The following PPFIA1 variants were observed in gnomAD, a reference collection of about 807,000 sequenced individuals.
The protein encoded by PPFIA1 is liprin-alpha-1.
Under a neutral mutation model 149.9 loss-of-function variants are expected in PPFIA1, and 25 were observed. The ratio of observed to expected loss-of-function variants is 0.17; its 90% CI spans 0.12 to 0.23. PPFIA1 has a LOEUF of 0.23. PPFIA1 is among the 10% of genes least tolerant of loss of function. PPFIA1 has a pLI of 1.00. For missense variants in PPFIA1, 1,362 were observed against 1,506.5 expected (o/e 0.90, Z 1.59); for synonymous variants, 549 against 552.8 (o/e 0.99, Z 0.10).
Position 70,332,987 on chromosome 11 carries a change from CCT to C in PPFIA1, c.1213-482_1213-481del, listed in dbSNP as rs143349045. 4.3e-3 allele frequency: 1,931 copies of C among 453,766 alleles called. 31 individuals are homozygous for C. Among genetic ancestry groups the C allele is most frequent in the African/African-American group, 0.035 (1,764 of 50,158 alleles). The allele number at this position is 453,766 out of a possible 1,614,324, so 28.1% of individuals were successfully genotyped here. ...TTTAAAGTCTCGATTTCTTTTCTCC[CCT>C]GTTATCTTTCCTGTCCCTTGTCGGC... On this transcript the variant is annotated intron_variant, in intron 9 of 27. Coordinates refer to ENST00000253925, the MANE Select transcript of PPFIA1 (RefSeq NM_003626.5).
At chr11:70,356,296 A>G (rs1288288624) in intron 19 of PPFIA1, 42 bp downstream of exon 19, 1 of 1,471,594 alleles carries the variant, frequency 6.8e-7, no homozygotes. Context: ...AATGGTTTTC[A>G]GTTGTGCCTA....
At chr11:70,336,839 T>G (rs889569685) in intron 11 of PPFIA1, among the ~76,000 whole-genome samples, 1 of 152,146 alleles carries the variant, frequency 6.6e-6, no homozygotes, top group Non-Finnish European at 1.5e-5. Flanking sequence ...AGATTGGTTG[T>G]TAGGATTGGG....
chr11:70,356,796 G>A (rs751753494), intron 19 of PPFIA1, among the ~76,000 whole-genome samples: 14 of 152,170 alleles, frequency 9.2e-5, no homozygotes, highest in Non-Finnish European at 1.5e-4. Flanking sequence ...CGAAACAGTC[G>A]CCATGCTGCA....
intron 15 of PPFIA1, among the ~76,000 whole-genome samples, chr11:70,344,109 T>G (rs1230832378): frequency 6.6e-6 from 1 of 152,248 alleles, no homozygotes; most frequent in Admixed American, 6.5e-5. Context: ...GTTACGGCAC[T>G]AGTACCTTTC....
At chr11:70,381,957 A>G in intron 26 of PPFIA1, 131 bp from the exon 27 acceptor site, 1 of 710,302 alleles carries the variant, frequency 1.4e-6, no homozygotes, top group South Asian at 1.8e-5. Flanking sequence ...CCACTCAGGC[A>G]GCTCCCCTCA....
At chr11:70,363,727 T>C (rs1296219485) in intron 21 of PPFIA1, among the ~76,000 whole-genome samples, 1 of 152,154 alleles carries the variant, frequency 6.6e-6, no homozygotes, top group Non-Finnish European at 1.5e-5. Flanking sequence ...TTGACCAGGC[T>C]GGTCTGGAAC....
At position 70,372,165 on chromosome 11, in the gene PPFIA1, T is replaced by A. The variant is rs747674416; in HGVS notation, c.2866-50T>A. ...AATTCATTTTAAAAATGATATAAAC[T>A]ACTTTTGAGACTTCCTCTGTAACTG... On this transcript the variant is annotated intron_variant, in intron 21 of 27. Coordinates refer to ENST00000253925, the MANE Select transcript of PPFIA1 (RefSeq NM_003626.5). 4.0e-6 allele frequency: 6 copies of A among 1,509,968 alleles called. No homozygotes were observed. The African/African-American group carries it at 5.6e-5, about 14-fold the overall frequency. The allele number at this position is 1,509,968 out of a possible 1,614,324, so 93.5% of individuals were successfully genotyped here.
intron 2 of PPFIA1, among the ~76,000 whole-genome samples, chr11:70,308,148 A>G (rs1464468154): frequency 6.6e-6 from 1 of 152,250 alleles, no homozygotes; most frequent in Non-Finnish European, 1.5e-5. Flanking sequence ...TCCTGGGATC[A>G]AGCGATTCTC....
chr11:70,297,285 T>G (rs2052130640), intron 2 of PPFIA1, among the ~76,000 whole-genome samples: 1 of 152,084 alleles, frequency 6.6e-6, no homozygotes, highest in African/African-American at 2.4e-5. Context: ...GGTGCGTGCT[T>G]GTAGTCCCAG....
chr11:70,315,916 A>G (rs1214248134), intron 2 of PPFIA1, among the ~76,000 whole-genome samples: 1 of 150,790 alleles, frequency 6.6e-6, no homozygotes, highest in Non-Finnish European at 1.5e-5. Context: ...CTACCATTCT[A>G]TTTTCTATCT....
At chr11:70,343,566 C>T in intron 14 of PPFIA1, 103 bp from the exon 15 acceptor site, 7 of 1,028,032 alleles carry the variant, frequency 6.8e-6, no homozygotes, top group Non-Finnish European at 8.7e-6. Flanking sequence ...TTTCTAAAAT[C>T]TTTTGGGCTT....
chr11:70,330,147 T>C (rs1339654009), intron 7 of PPFIA1, 26 bp from the exon 8 acceptor site: 6 of 1,550,444 alleles, frequency 3.9e-6, no homozygotes, highest in Non-Finnish European at 5.2e-6. Context: ...CCTACTTTTT[T>C]GTCCCCTCTG....
rs898432776 is a variant in PPFIA1 at position 70,342,809 on chromosome 11, T to C, written c.1708-860T>C. 2.6e-5 allele frequency among the ~76,000 whole-genome samples: 4 copies of C among 152,278 alleles called. No homozygotes were observed. In the South Asian group the frequency reaches 6.2e-4, roughly 24 times the overall value. ...AGTATACATATTTTGGGGATATATG[T>C]GATAATTTGATACATTCGTATAATT... On this transcript the variant is annotated intron_variant, in intron 14 of 27. Transcript: ENST00000253925.
rs751429114 is a variant in PPFIA1 at position 70,362,270 on chromosome 11, T to G, written c.2665-18T>G. 3 of 1,613,956 alleles carry G rather than the reference T, an allele frequency of 1.9e-6. No individual in the cohort carries two copies. Among genetic ancestry groups the G allele is most frequent in the East Asian group, 4.5e-5 (2 of 44,876 alleles). On this transcript the variant is annotated intron_variant, in intron 20 of 27. Transcript: ENST00000253925. The stretch of plus-strand genomic sequence containing the variant: ...CTGTACCTCACTGTGCTGCCTTCCT[T>G]CCGCTTTCCGCCTCCAGCTCTGGGT...
intron 2 of PPFIA1, among the ~76,000 whole-genome samples, chr11:70,299,549 G>C (rs1426053256): frequency 6.6e-6 from 1 of 152,058 alleles, no homozygotes; most frequent in African/African-American, 2.4e-5. Context: ...TTTATCGTGG[G>C]GTCTTCTTCC....
Position 70,338,393 on chromosome 11 carries a change from T to C in PPFIA1, c.1511T>C (p.Ile504Thr). The C allele has an allele frequency of 1.9e-6, 3 of 1,613,126 alleles. No homozygotes were observed. Among genetic ancestry groups the C allele is most frequent in the African/African-American group, 1.3e-5 (1 of 75,026 alleles). Residue 504 changes from isoleucine (I) to threonine (T), a missense_variant, in exon 13 of 28, where the codon ATT (isoleucine) becomes ACT (threonine). Physicochemically the swap from Ile to Thr is moderately conservative, Grantham distance 89. Coordinates refer to ENST00000253925, the MANE Select transcript of PPFIA1 (RefSeq NM_003626.5). ...CTGTAGGATCAGCTTGTCCTAAACA[T>C]TGAAGCACTGAGGGCTGAACTAGAC... ...QHDKDQLVLN[I>T]EALRAELDHM...
At chr11:70,355,362 G>C (rs992043281) in intron 17 of PPFIA1, among the ~76,000 whole-genome samples, 1 of 152,178 alleles carries the variant, frequency 6.6e-6, no homozygotes, top group Non-Finnish European at 1.5e-5. Context: ...GCTGCTGGAG[G>C]GGAAGCAGGC....
In PPFIA1 at chr11:70,348,412, A is replaced by G; in HGVS notation, c.2155A>G (p.Met719Val). 6.2e-7 allele frequency: 1 copy of G among 1,607,646 alleles called. No homozygotes were observed. Among genetic ancestry groups the G allele is most frequent in the South Asian group, 1.1e-5 (1 of 90,948 alleles). ...TCGGGAAGTGGACAGACTGGGCGTC[A>G]TGACCCTTGTACGTATCCGCCCTTT... Reference protein sequence around the residue: ...PAREVDRLGVMTLLPPSREEV... With the variant: ...PAREVDRLGVVTLLPPSREEV... Residue 719 changes from methionine (M) to valine (V), a missense_variant, in exon 16 of 28, where the codon ATG becomes GTG. By Grantham distance (21) the Met-to-Val change is conservative. Transcript: ENST00000253925.
At chr11:70,299,712 C>T (rs2052344535) in intron 2 of PPFIA1, among the ~76,000 whole-genome samples, 1 of 152,088 alleles carries the variant, frequency 6.6e-6, no homozygotes, top group South Asian at 2.1e-4. Context: ...TCGCTCTTGG[C>T]CCCTCTGCTC....
Sources: allele counts gnomAD v4.1 joint callset (sites outside exome capture counted in the v4.1 genomes callset), GRCh38; gene constraint gnomAD v4.1.1; transcripts MANE v1.5; gene names NCBI Gene and HGNC (gene_info 2026-07-23, HGNC 2026-07-21).